Variants in ADAM23 observed in about 807,000 individuals in gnomAD.
ADAM23 encodes the protein disintegrin and metalloproteinase domain-containing protein 23.
ADAM23 carries 33 observed loss-of-function variants against 120.1 expected under a neutral mutation model. The ratio of observed to expected loss-of-function variants is 0.27; its 90% confidence interval spans 0.21 to 0.37. The LOEUF (loss-of-function observed/expected upper bound fraction) is 0.37. Ranked by LOEUF, ADAM23 falls within the 10% of genes least tolerant of loss-of-function variation. ADAM23 has a pLI of 1.00. For synonymous variants in ADAM23, 367 were observed against 375.2 expected (o/e 0.98, Z 0.25); for missense variants, 862 against 1,058.2 (o/e 0.81, Z 2.57).
intron 3 of ADAM23, among the ~76,000 whole-genome samples, chr2:206,522,451 A>G (rs1377766413): frequency 6.6e-6 from 1 of 152,150 alleles, no homozygotes; most frequent in African/African-American, 2.4e-5. Context: ...TTTTCTGTAT[A>G]GAATGAAAAA....
intron 3 of ADAM23, among the ~76,000 whole-genome samples, chr2:206,525,864 A>G (rs926302775): frequency 2.0e-5 from 3 of 152,200 alleles, no homozygotes; most frequent in East Asian, 1.9e-4. Context: ...TGCTGAGATT[A>G]TAGGCATGAG....
At chr2:206,578,016 A>G (rs1400670195) in intron 18 of ADAM23, among the ~76,000 whole-genome samples, 1 of 152,088 alleles carries the variant, frequency 6.6e-6, no homozygotes, top group Admixed American at 6.5e-5. Flanking sequence ...ATGGCCAGTG[A>G]TGATGAGCAT....
chr2:206,506,604 G>C (rs1029513649), intron 3 of ADAM23, among the ~76,000 whole-genome samples: 13 of 152,190 alleles, frequency 8.5e-5, no homozygotes, highest in African/African-American at 2.7e-4. Flanking sequence ...CATTTCGTCA[G>C]TTATAGCTTG....
intron 2 of ADAM23, 93 bp from the exon 3 acceptor site, chr2:206,481,139 A>C (rs1695887108): frequency 1.1e-6 from 1 of 935,368 alleles, no homozygotes; most frequent in Admixed American, 2.9e-5. Flanking sequence ...ACTGATACAT[A>C]AAAGTTATTC....
In ADAM23 at chr2:206,594,737, T is replaced by C. The variant is rs77257129; in HGVS notation, c.2079T>C (p.Ser693=). The C allele has an allele frequency of 7.0e-4, 1,122 of 1,614,088 alleles. 4 individuals carry two copies. The African/African-American group carries it at 0.013, about 18-fold the overall frequency. Residue 693 remains serine, a splice_region_variant and synonymous_variant, in exon 23 of 26, where the codon AGT becomes AGC. Coordinates refer to ENST00000264377, the MANE Select transcript of ADAM23 (RefSeq NM_003812.4). The part of the protein sequence containing the change: ...FYHQGRVIDC[S]GAHVVLDDDT... ...TATATGGGTATCTTTCTTGTTTTAG[T>C]GGTGCCCATGTAGTTTTAGATGATG...
At chr2:206,547,085 TA>T (rs952500742) in intron 6 of ADAM23, among the ~76,000 whole-genome samples, 33 of 151,950 alleles carry the variant, frequency 2.2e-4, no homozygotes, top group African/African-American at 6.8e-4. Flanking sequence ...GGTGCTTCAT[TA>T]AAAAAAATGC....
intron 21 of ADAM23, 140 bp from the exon 22 acceptor site, chr2:206,592,477 C>T: frequency 1.9e-6 from 2 of 1,074,768 alleles, no homozygotes; most frequent in South Asian, 3.5e-5. Flanking sequence ...TATCACCTAC[C>T]AATGATATAT....
intron 18 of ADAM23, among the ~76,000 whole-genome samples, chr2:206,578,681 G>A (rs1397913186): frequency 6.6e-6 from 1 of 152,148 alleles, no homozygotes; most frequent in Non-Finnish European, 1.5e-5. Context: ...TTTTGCAGTT[G>A]TGAATTGTGC....
intron 3 of ADAM23, among the ~76,000 whole-genome samples, chr2:206,523,320 C>T (rs1015291374): frequency 6.6e-6 from 1 of 152,048 alleles, no homozygotes; most frequent in East Asian, 1.9e-4. Flanking sequence ...AAAGAAAAAC[C>T]TCTATAACCT....
intron 21 of ADAM23, among the ~76,000 whole-genome samples, chr2:206,591,531 C>G (rs1487523894): frequency 2.6e-5 from 4 of 152,070 alleles, no homozygotes; most frequent in Non-Finnish European, 5.9e-5. Context: ...ATATACTATA[C>G]TTTAGTTCTC....
At position 206,560,816 on chromosome 2, in the gene ADAM23, T is replaced by C. The variant is rs191469330; in HGVS notation, c.1170-312T>C. On this transcript the variant is annotated intron_variant, in intron 11 of 25. Coordinates refer to ENST00000264377, the MANE Select transcript of ADAM23 (RefSeq NM_003812.4). ...TTTTAATAATCAGCAATATTAATTC[T>C]TTTTAATCACTGCTAGATATTCTCT... is the stretch of plus-strand genomic sequence containing the variant. Among the ~76,000 whole-genome samples the C allele has an allele frequency of 7.2e-5, 11 of 152,354 alleles. No homozygotes were observed. The East Asian group carries it at 1.9e-3, about 27-fold the overall frequency.
chr2:206,591,334 G>C (rs1698421831), intron 21 of ADAM23, among the ~76,000 whole-genome samples: 1 of 152,096 alleles, frequency 6.6e-6, no homozygotes, highest in Non-Finnish European at 1.5e-5. Flanking sequence ...CCTGACTTTT[G>C]TGGCAGTCAC....
At chr2:206,571,671 T>A (rs1369591486) in intron 16 of ADAM23, 56 bp from the exon 17 acceptor site, 1 of 1,288,880 alleles carries the variant, frequency 7.8e-7, no homozygotes, top group Non-Finnish European at 1.1e-6. Context: ...GTGGAGAGAA[T>A]ATGAATGACC....
At chr2:206,589,648 T>G in intron 21 of ADAM23, 134 bp downstream of exon 21, 1 of 609,508 alleles carries the variant, frequency 1.6e-6, no homozygotes, top group Non-Finnish European at 2.7e-6. Flanking sequence ...GTATTTATTT[T>G]TAATAGGTAT....
At chr2:206,519,304 T>A (rs971408731) in intron 3 of ADAM23, among the ~76,000 whole-genome samples, 5 of 152,352 alleles carry the variant, frequency 3.3e-5, no homozygotes, top group African/African-American at 1.2e-4. Flanking sequence ...TTTTCCAATA[T>A]ATTCTGTAAT....
chr2:206,508,041 T>G (rs986147105), intron 3 of ADAM23, among the ~76,000 whole-genome samples: 1 of 152,140 alleles, frequency 6.6e-6, no homozygotes, highest in African/African-American at 2.4e-5. Context: ...AGTTCACTTT[T>G]TTTTTTGAGA....
Position 206,617,948 on chromosome 2 carries a change from A to C in ADAM23, c.*321A>C, listed in dbSNP as rs1314335263. 1.2e-5 allele frequency: 3 copies of C among 247,520 alleles called. No homozygotes were observed. The highest frequency in any genetic ancestry group is 2.3e-5 in the Non-Finnish European group (3 of 131,942). 15.3% of individuals were successfully genotyped at this position (247,520 alleles called of 1,614,324 possible). ...CACAAAAATTAAATGCAATAAAGGA[A>C]TCATTAAAAAAAATAGTAAATGATT... On this transcript the variant is annotated 3_prime_UTR_variant, in exon 26 of 26. Coordinates refer to ENST00000264377, the MANE Select transcript of ADAM23 (RefSeq NM_003812.4).
At chr2:206,506,197 T>G (rs1696494528) in intron 3 of ADAM23, among the ~76,000 whole-genome samples, 1 of 152,224 alleles carries the variant, frequency 6.6e-6, no homozygotes, top group Non-Finnish European at 1.5e-5. Flanking sequence ...ACAAGCCTTT[T>G]GTTTTTGCCT....
At chr2:206,542,013 T>C (rs1401581147) in intron 4 of ADAM23, 39 bp from the exon 5 acceptor site, 1 of 1,596,146 alleles carries the variant, frequency 6.3e-7, no homozygotes, top group African/African-American at 1.3e-5. Context: ...TTAATCATAA[T>C]GCATAAAATA....
Sources: gnomAD v4.1 joint callset for allele counts (sites outside exome capture counted in the v4.1 genomes callset) on GRCh38, gnomAD v4.1.1 for gene constraint, MANE v1.5 for transcripts, NCBI Gene and HGNC (gene_info 2026-07-23, HGNC 2026-07-21) for gene names.